The following RMDN2 variants were observed in gnomAD, a reference collection of about 807,000 sequenced individuals.
The protein encoded by RMDN2 is regulator of microtubule dynamics protein 2.
RMDN2 carries 61 observed loss-of-function variants against 52.8 expected under a neutral mutation model. The observed-to-expected ratio is 1.16, with a 90% CI of 0.94 to 1.43. RMDN2 has a LOEUF of 1.43. Ranked by LOEUF, RMDN2 falls within the 40% of genes most tolerant of loss-of-function variation. RMDN2 has a pLI of 0.00. For synonymous variants in RMDN2, 180 were observed against 153.1 expected, an observed-to-expected ratio of 1.18 and a Z score of -1.30; for missense variants, 592 against 475.3, an observed-to-expected ratio of 1.25 and a Z score of -2.28.
intron 10 of RMDN2, among the ~76,000 whole-genome samples, chr2:38,063,693 A>C (rs1682148080): frequency 6.6e-6 from 1 of 152,186 alleles, no homozygotes. Context: ...AATGAACTCA[A>C]ACAAATTTAC....
chr2:38,051,620 T>G (rs186095200), intron 10 of RMDN2, among the ~76,000 whole-genome samples: 71 of 152,336 alleles, frequency 4.7e-4, no homozygotes, highest in African/African-American at 1.7e-3. Flanking sequence ...ATACTAGAAC[T>G]TATTTCTTCT....
intron 10 of RMDN2, among the ~76,000 whole-genome samples, chr2:38,032,326 A>G (rs1680268905): frequency 6.6e-6 from 1 of 152,154 alleles, no homozygotes. Flanking sequence ...TTTTTTTACA[A>G]TACCATATTA....
chr2:38,051,503 A>G (rs1390604417), intron 10 of RMDN2, among the ~76,000 whole-genome samples: 7 of 152,342 alleles, frequency 4.6e-5, no homozygotes, highest in South Asian at 2.1e-4. Context: ...ATGATATCCA[A>G]TCACCTTTAA....
At position 38,012,589 on chromosome 2, in the gene RMDN2, A is replaced by T. The variant is rs1553379402; in HGVS notation, c.1180-4597A>T. On this transcript the variant is annotated intron_variant, in intron 10 of 10. Transcript: ENST00000354545. Reference sequence around the variant, plus strand: ...TATGAGCAAATATTTCTCACATTGCATTTTTTTCCTCAGTGATGTCTCCAT... The same window carrying T: ...TATGAGCAAATATTTCTCACATTGCTTTTTTTTCCTCAGTGATGTCTCCAT... The T allele has an allele frequency of 1.1e-4, 53 of 468,748 alleles. 1 individual carries two copies. Among genetic ancestry groups the T allele is most frequent in the South Asian group, 8.2e-4 (52 of 63,798 alleles). 29.0% of individuals were successfully genotyped at this position (468,748 alleles called of 1,614,324 possible).
At chr2:38,027,420 T>C (rs1679857846) in intron 10 of RMDN2, 1 of 152,240 alleles carries the variant, frequency 6.6e-6, no homozygotes, top group Non-Finnish European at 1.5e-5. Context: ...GTTGTAACTT[T>C]GTAGCATTGT....
At chr2:37,925,160 GT>G (rs920962969), upstream of RMDN2, among the ~76,000 whole-genome samples, 3 of 152,166 alleles carry the variant, frequency 2.0e-5, no homozygotes, top group Non-Finnish European at 4.4e-5. Flanking sequence ...GCCCCGCGAC[GT>G]GCAATTTTAT....
intron 7 of RMDN2, among the ~76,000 whole-genome samples, chr2:37,993,039 C>T (rs1482778939): frequency 3.3e-5 from 5 of 152,114 alleles, no homozygotes; most frequent in African/African-American, 4.8e-5. Context: ...CTCAGCCTCC[C>T]GAGTAGCTGG....
chr2:38,038,269 G>A (rs1022731053), intron 10 of RMDN2, among the ~76,000 whole-genome samples: 2 of 152,142 alleles, frequency 1.3e-5, no homozygotes, highest in Non-Finnish European at 2.9e-5. Context: ...GGGCGCAAGG[G>A]GGACGCGTTC....
chr2:37,954,962 A>G (rs1466983007), intron 2 of RMDN2, among the ~76,000 whole-genome samples: 1 of 152,160 alleles, frequency 6.6e-6, no homozygotes, highest in African/African-American at 2.4e-5. Context: ...TGCAATTATA[A>G]GTGAAATTAT....
chr2:37,957,956 G>A (rs1669695688), intron 2 of RMDN2, among the ~76,000 whole-genome samples: 1 of 152,280 alleles, frequency 6.6e-6, no homozygotes, highest in Non-Finnish European at 1.5e-5. Flanking sequence ...GGTGGTTGTA[G>A]ATGTGTGGTG....
intron 10 of RMDN2, among the ~76,000 whole-genome samples, chr2:38,031,444 C>T (rs367972636): frequency 6.6e-6 from 1 of 151,766 alleles, no homozygotes; most frequent in Non-Finnish European, 1.5e-5. Flanking sequence ...CAGCCTCCCC[C>T]ACCAGTGCTT....
intron 2 of RMDN2, among the ~76,000 whole-genome samples, chr2:37,948,550 C>G (rs1239930699): frequency 6.6e-6 from 1 of 152,080 alleles, no homozygotes. Context: ...GTTTTAGATG[C>G]TTGTCATTAT....
At chr2:38,009,418 CT>C (rs1230378201) in intron 10 of RMDN2, among the ~76,000 whole-genome samples, 2 of 152,092 alleles carry the variant, frequency 1.3e-5, no homozygotes, top group Non-Finnish European at 2.9e-5. Flanking sequence ...TCTTTTTATT[CT>C]TTTTTCTCTA....
intron 10 of RMDN2, among the ~76,000 whole-genome samples, chr2:38,053,338 T>G (rs898534366): frequency 6.6e-6 from 1 of 152,174 alleles, no homozygotes; most frequent in Non-Finnish European, 1.5e-5. Context: ...TTCAGTATTA[T>G]TGGTTAAAAC....
chr2:37,944,332 C>CAAA (rs55892088), intron 2 of RMDN2, among the ~76,000 whole-genome samples: 4 of 135,308 alleles, frequency 3.0e-5, no homozygotes, highest in African/African-American at 5.6e-5. Flanking sequence ...CAGCCAATCT[C>CAAA]AAAAAAAAAA....
chr2:38,028,616 C>T (rs1679953730), intron 10 of RMDN2, among the ~76,000 whole-genome samples: 1 of 152,158 alleles, frequency 6.6e-6, no homozygotes, highest in Non-Finnish European at 1.5e-5. Flanking sequence ...GCCCTTCGAG[C>T]CCATTAAGCT....
At chr2:37,947,173 G>C (rs1668288887) in intron 2 of RMDN2, among the ~76,000 whole-genome samples, 1 of 151,940 alleles carries the variant, frequency 6.6e-6, no homozygotes, top group Admixed American at 6.6e-5. Flanking sequence ...GTACCTGTTA[G>C]GTAGTTTCTC....
At chr2:37,930,471 G>C (rs1174593023) in intron 2 of RMDN2, among the ~76,000 whole-genome samples, 1 of 152,152 alleles carries the variant, frequency 6.6e-6, no homozygotes, top group East Asian at 1.9e-4. Context: ...CAAAATGCCT[G>C]ACATGACACC....
chr2:38,051,298 A>G (rs1248561623), intron 10 of RMDN2, among the ~76,000 whole-genome samples: 1 of 152,186 alleles, frequency 6.6e-6, no homozygotes, highest in Non-Finnish European at 1.5e-5. Flanking sequence ...TTCAACTAGA[A>G]TGTGTCTGGA....
Sources: allele counts gnomAD v4.1 joint callset (sites outside exome capture counted in the v4.1 genomes callset), GRCh38; gene constraint gnomAD v4.1.1; transcripts MANE v1.5; gene names NCBI Gene and HGNC (gene_info 2026-07-23, HGNC 2026-07-21).